MAP3K13: variants seen among roughly 807,000 people sequenced by gnomAD.
MAP3K13 encodes leucine zipper-bearing kinase.
Under a neutral mutation model 104.0 loss-of-function variants are expected in MAP3K13, and 52 were observed. That is an observed-to-expected ratio of 0.50 (90% confidence interval 0.40 to 0.63). The LOEUF (loss-of-function observed/expected upper bound fraction) is 0.63, where lower values mean the gene tolerates loss of function less well. MAP3K13 is among the 20% of genes least tolerant of loss of function. MAP3K13 has a pLI of 0.00. For missense variants in MAP3K13, 914 were observed against 1,218.5 expected (o/e 0.75, Z 3.72); for synonymous variants, 394 against 442.2 (o/e 0.89, Z 1.37).
At chr3:185,401,700 T>A (rs1055100123) in intron 1 of MAP3K13, among the ~76,000 whole-genome samples, 1 of 152,222 alleles carries the variant, frequency 6.6e-6, no homozygotes, top group East Asian at 1.9e-4. Flanking sequence ...AACATTTTAG[T>A]AAGTAAAGTT....
Position 185,304,330 on chromosome 3 carries a change from A to G in MAP3K13, c.-86+18687A>G, listed in dbSNP as rs373781840. ...ATATTCTGTACGTCTGTTAATACCA[A>G]TTGGTCTGTAGGGTTGTATAAGTCA... On this transcript the variant is annotated intron_variant, in intron 2 of 14. Coordinates refer to the MAP3K13 transcript ENST00000424227. Among the ~76,000 whole-genome samples, 8 of 152,226 alleles carry G rather than the reference A, an allele frequency of 5.3e-5. No homozygotes were observed. The East Asian group carries it at 9.6e-4, about 18-fold the overall frequency.
At chr3:185,360,929 C>T (rs1186734487), upstream of MAP3K13, among the ~76,000 whole-genome samples, 1 of 145,826 alleles carries the variant, frequency 6.9e-6, no homozygotes, top group Admixed American at 7.1e-5. Context: ...CAGATTCAAG[C>T]GATTCTCATG....
chr3:185,294,229 T>C (rs1720842109), intron 2 of MAP3K13, among the ~76,000 whole-genome samples: 1 of 152,226 alleles, frequency 6.6e-6, no homozygotes, highest in Non-Finnish European at 1.5e-5. Flanking sequence ...TGACATTAAC[T>C]TGTTCAACTG....
At chr3:185,413,490 A>G (rs765385790) in intron 1 of MAP3K13, among the ~76,000 whole-genome samples, 1 of 152,220 alleles carries the variant, frequency 6.6e-6, no homozygotes, top group Non-Finnish European at 1.5e-5. Context: ...ACTAGAAGCT[A>G]TAATATTGGA....
At chr3:185,341,232 C>T (rs890938368) in intron 2 of MAP3K13, among the ~76,000 whole-genome samples, 1 of 152,116 alleles carries the variant, frequency 6.6e-6, no homozygotes, top group African/African-American at 2.4e-5. Flanking sequence ...AATCCAACAA[C>T]TGGTATCCTT....
At chr3:185,433,894 G>A (rs1045023014) in intron 2 of MAP3K13, among the ~76,000 whole-genome samples, 1 of 152,054 alleles carries the variant, frequency 6.6e-6, no homozygotes, top group Non-Finnish European at 1.5e-5. Flanking sequence ...AAAAAACATA[G>A]TGAGTTACAA....
At position 185,455,321 on chromosome 3, in the gene MAP3K13, GATATATATGAT is replaced by G. The variant is rs1560119147; in HGVS notation, c.1278+3933_1278+3943del. 2.6e-4 allele frequency among the ~76,000 whole-genome samples: 13 copies of G among 49,988 alleles called. 5 individuals are homozygous for G. The highest frequency in any genetic ancestry group is 2.7e-4 in the Non-Finnish European group (6 of 22,346). 32.8% of individuals were successfully genotyped at this position (49,988 alleles called of 152,430 possible). On this transcript the variant is annotated intron_variant, in intron 7 of 13. Coordinates refer to ENST00000265026, the MANE Select transcript of MAP3K13 (RefSeq NM_004721.5). ...TGAGATATATATGAGATATATATGA[GATATATATGAT>G]ATATATGAGATATATATGATATATA...
At chr3:185,415,412 C>T (rs1183318657) in intron 1 of MAP3K13, among the ~76,000 whole-genome samples, 4 of 152,006 alleles carry the variant, frequency 2.6e-5, no homozygotes, top group Non-Finnish European at 5.9e-5. Context: ...CCTGCTTCAG[C>T]CTCCCAAAGT....
At chr3:185,295,180 G>A (rs938233982) in intron 2 of MAP3K13, among the ~76,000 whole-genome samples, 1 of 151,760 alleles carries the variant, frequency 6.6e-6, no homozygotes, top group Non-Finnish European at 1.5e-5. Flanking sequence ...TTTTTCTTCA[G>A]GGTATTTGTT....
chr3:185,477,840 T>G (rs190809033), intron 12 of MAP3K13, among the ~76,000 whole-genome samples: 1 of 152,334 alleles, frequency 6.6e-6, no homozygotes, highest in Non-Finnish European at 1.5e-5. Flanking sequence ...CTGACTCAGT[T>G]CCTGATGAGG....
Position 185,333,874 on chromosome 3 carries a change from C to G in MAP3K13, c.-86+48231C>G, listed in dbSNP as rs117360555. Among the ~76,000 whole-genome samples, 594 of 152,144 alleles carry G rather than the reference C, an allele frequency of 3.9e-3. 7 individuals carry two copies. Among genetic ancestry groups the G allele is most frequent in the Admixed American group, 0.024 (360 of 15,268 alleles). On this transcript the variant is annotated intron_variant, in intron 2 of 14. Coordinates refer to the MAP3K13 transcript ENST00000424227. The stretch of plus-strand genomic sequence containing the variant: ...TTCAAGACCATCCTAAGCAACATGA[C>G]AAAACGCTGTGTCTACAAAAAATAC...
At position 185,450,332 on chromosome 3, in the gene MAP3K13, G is replaced by A. The variant is rs1318528485; in HGVS notation, c.1169+274G>A. On this transcript the variant is annotated intron_variant, in intron 6 of 13. Coordinates refer to ENST00000265026, the MANE Select transcript of MAP3K13 (RefSeq NM_004721.5). This position sits in a 1 kb window ranked among gnomAD's most constrained non-coding sequence, Gnocchi z 4.2. ...TGGTGTTATTATCTCAAAATAGTAG[G>A]CCTTGGTCAATGATAGCTACTATTT... Among the ~76,000 whole-genome samples, 1 of 152,126 alleles carries A rather than the reference G, an allele frequency of 6.6e-6. No homozygotes were observed. Among genetic ancestry groups the A allele is most frequent in the Non-Finnish European group, 1.5e-5 (1 of 68,016 alleles).
Position 185,315,391 on chromosome 3 carries a change from T to C in MAP3K13, c.-86+29748T>C, listed in dbSNP as rs2108689459. ...TGTGTATGTCTTAACAAAAACAGAT[T>C]GCTGGGTTCTACCCTAGAGTTTCTG... On this transcript the variant is annotated intron_variant, in intron 2 of 14. Transcript: ENST00000424227. The surrounding 1 kb of genome is among the most constrained non-coding windows in gnomAD (Gnocchi z 4.3). 6.6e-6 allele frequency among the ~76,000 whole-genome samples: 1 copy of C among 152,230 alleles called. No individual in the cohort carries two copies. Among genetic ancestry groups the C allele is most frequent in the East Asian group, 1.9e-4 (1 of 5,168 alleles).
intron 9 of MAP3K13, among the ~76,000 whole-genome samples, chr3:185,466,175 G>A (rs1223195815): frequency 6.6e-6 from 1 of 152,182 alleles, no homozygotes; most frequent in Non-Finnish European, 1.5e-5. Context: ...AAATGTATTG[G>A]CTGCTGAAAG....
At chr3:185,341,265 A>C (rs1577442584) in intron 2 of MAP3K13, among the ~76,000 whole-genome samples, 1 of 152,236 alleles carries the variant, frequency 6.6e-6, no homozygotes, top group South Asian at 2.1e-4. Context: ...GAGGACACAC[A>C]GAGAAATATA....
At chr3:185,455,087 T>G (rs188139566) in intron 7 of MAP3K13, among the ~76,000 whole-genome samples, 2 of 108,406 alleles carry the variant, frequency 1.8e-5, no homozygotes, top group East Asian at 2.7e-4. Flanking sequence ...ATGTGAGATA[T>G]ATATATGAGA....
Position 185,418,534 on chromosome 3 carries a change from C to T in MAP3K13, c.-85-9963C>T. On this transcript the variant is annotated intron_variant, in intron 1 of 13. Transcript: ENST00000265026. This position sits in a 1 kb window ranked among gnomAD's most constrained non-coding sequence, Gnocchi z 4.5. ...ACCCTGGCCAGAGCGGTGAGTCCCA[C>T]CACCTCGAACTCTGGGAATTCGAGC... 1 of 1,612,174 alleles carries T rather than the reference C, an allele frequency of 6.2e-7. No homozygotes were observed. The highest frequency in any genetic ancestry group is 1.1e-5 in the South Asian group (1 of 90,994).
chr3:185,440,782 A>G (rs1056375627), intron 3 of MAP3K13, among the ~76,000 whole-genome samples: 3 of 152,198 alleles, frequency 2.0e-5, no homozygotes, highest in African/African-American at 4.8e-5. Context: ...AGAGATAGGC[A>G]TGGGTTGGTA....
chr3:185,466,341 A>G (rs1357201637), intron 9 of MAP3K13, among the ~76,000 whole-genome samples: 1 of 151,462 alleles, frequency 6.6e-6, no homozygotes, highest in African/African-American at 2.4e-5. Context: ...AGCAGAATGA[A>G]GTCAGGTTAA....
Sources: allele counts gnomAD v4.1 joint callset (sites outside exome capture counted in the v4.1 genomes callset), GRCh38; gene constraint gnomAD v4.1.1; non-coding constraint Gnocchi (gnomAD v3.1); transcripts MANE v1.5; gene names NCBI Gene and HGNC (gene_info 2026-07-23, HGNC 2026-07-21).